The following ARMC8 variants were observed in gnomAD, a reference collection of about 807,000 sequenced individuals.
The protein encoded by ARMC8 is armadillo repeat-containing protein 8.
In ARMC8, 20 loss-of-function variants were observed where a neutral mutation model predicts 99.3. That is an observed-to-expected ratio of 0.20 (90% CI 0.14 to 0.29). The LOEUF is 0.29. ARMC8 is among the 10% of genes least tolerant of loss of function. The probability of loss-of-function intolerance (pLI) is 1.00; values close to 1 mark genes in which losing one functional copy is unlikely to be tolerated. For missense variants in ARMC8, 569 were observed against 809.5 expected, an observed-to-expected ratio of 0.70 and a Z score of 3.60; for synonymous variants, 263 against 278.3, an observed-to-expected ratio of 0.95 and a Z score of 0.55.
At chr3:138,295,724 C>A in intron 21 of ARMC8, 135 bp from the exon 22 acceptor site, 1 of 835,988 alleles carries the variant, frequency 1.2e-6, no homozygotes, top group Non-Finnish European at 1.9e-6. Context: ...AAGGTAGGTG[C>A]CCACCTGGGC....
intron 6 of ARMC8, among the ~76,000 whole-genome samples, chr3:138,234,624 ACT>A (rs2046238163): frequency 6.6e-6 from 1 of 152,254 alleles, no homozygotes. Context: ...TGTAACAATG[ACT>A]CTGCCACTGT....
chr3:138,284,601 C>A, intron 19 of ARMC8, 75 bp downstream of exon 19: 2 of 1,108,236 alleles, frequency 1.8e-6, no homozygotes, highest in Non-Finnish European at 2.7e-6. Flanking sequence ...ATAAATTGTG[C>A]AGAGATTTTA....
chr3:138,295,791 G>T, intron 21 of ARMC8, 68 bp from the exon 22 acceptor site: 1 of 1,561,576 alleles, frequency 6.4e-7, no homozygotes, highest in South Asian at 1.1e-5. Flanking sequence ...TATCATCATT[G>T]AACCATAGGG....
At chr3:138,281,354 G>A (rs1474052037) in intron 18 of ARMC8, among the ~76,000 whole-genome samples, 2 of 151,020 alleles carry the variant, frequency 1.3e-5, no homozygotes, top group South Asian at 2.1e-4. Context: ...GTGCAGTGAC[G>A]CGATATCGGC....
intron 12 of ARMC8, among the ~76,000 whole-genome samples, chr3:138,250,170 TCTATC>T (rs1454132234): frequency 1.3e-5 from 2 of 152,170 alleles, no homozygotes; most frequent in Non-Finnish European, 2.9e-5. Flanking sequence ...GAATTTGTCT[TCTATC>T]CTCTTTTTCC....
At chr3:138,252,823 C>T (rs2047208140) in intron 12 of ARMC8, among the ~76,000 whole-genome samples, 1 of 145,780 alleles carries the variant, frequency 6.9e-6, no homozygotes, top group African/African-American at 2.6e-5. Context: ...TTCGCATATG[C>T]CTGTGTGTAC....
intron 5 of ARMC8, among the ~76,000 whole-genome samples, chr3:138,228,045 C>T (rs1559955263): frequency 6.6e-6 from 1 of 152,174 alleles, no homozygotes; most frequent in African/African-American, 2.4e-5. Context: ...AGTGCAGTGG[C>T]GTAATCTCAC....
At chr3:138,273,769 T>C (rs998049052) in intron 17 of ARMC8, among the ~76,000 whole-genome samples, 3 of 152,120 alleles carry the variant, frequency 2.0e-5, no homozygotes, top group Non-Finnish European at 1.5e-5. Flanking sequence ...ACACTGTGTT[T>C]TCCATGTCTC....
rs537806877 is a variant in ARMC8 at position 138,263,565 on chromosome 3, C to G, written c.1135-174C>G. 7.8e-5 allele frequency: 50 copies of G among 643,444 alleles called. No homozygotes were observed. The South Asian group carries it at 8.9e-4, about 11-fold the overall frequency. 39.9% of individuals were successfully genotyped at this position (643,444 alleles called of 1,614,324 possible). On this transcript the variant is annotated intron_variant, in intron 12 of 21. Coordinates refer to ENST00000469044, the MANE Select transcript of ARMC8 (RefSeq NM_001363941.2). ...CCTGGCAGGTCCTTAGTGGGCTAGA[C>G]CTACCTTTCTGATGAGCTGCCCGCC... is the stretch of plus-strand genomic sequence containing the variant.
chr3:138,207,409 A>G (rs1310072612), intron 1 of ARMC8, among the ~76,000 whole-genome samples: 3 of 152,214 alleles, frequency 2.0e-5, no homozygotes, highest in African/African-American at 4.8e-5. Flanking sequence ...TCCTCAGTGC[A>G]TGTTATATTG....
chr3:138,207,815 G>A (rs1028137592), intron 1 of ARMC8, among the ~76,000 whole-genome samples: 1 of 152,198 alleles, frequency 6.6e-6, no homozygotes, highest in African/African-American at 2.4e-5. Context: ...GCAGATTATT[G>A]TTGAGAGTCC....
At chr3:138,288,841 T>TTAA (rs2050676926) in intron 19 of ARMC8, among the ~76,000 whole-genome samples, 1 of 152,184 alleles carries the variant, frequency 6.6e-6, no homozygotes, top group South Asian at 2.1e-4. Flanking sequence ...TTTCACTGTG[T>TTAA]TAATCATCCT....
At chr3:138,292,856 T>C (rs866413372) in intron 21 of ARMC8, among the ~76,000 whole-genome samples, 1 of 151,876 alleles carries the variant, frequency 6.6e-6, no homozygotes, top group African/African-American at 2.4e-5. Flanking sequence ...ATTTAGGCAG[T>C]GATGAGAAAG....
At chr3:138,231,699 C>T (rs1013269521) in intron 6 of ARMC8, among the ~76,000 whole-genome samples, 4 of 151,604 alleles carry the variant, frequency 2.6e-5, no homozygotes, top group Admixed American at 6.6e-5. Context: ...ATCCCTTGAG[C>T]GAGAGGATCC....
chr3:138,222,145 C>G (rs776762894), intron 3 of ARMC8, 148 bp downstream of exon 3: 130 of 632,706 alleles, frequency 2.1e-4, no homozygotes, highest in Non-Finnish European at 3.2e-4. Context: ...AGTATTTAAA[C>G]TATCTTTAAG....
At position 138,237,464 on chromosome 3, in the gene ARMC8, T is replaced by C. The variant is rs759430497; in HGVS notation, c.686-18T>C. 1.2e-6 allele frequency: 2 copies of C among 1,612,314 alleles called. No homozygotes were observed. Among genetic ancestry groups the C allele is most frequent in the Non-Finnish European group, 1.7e-6 (2 of 1,178,792 alleles). Reference sequence around the variant, plus strand: ...TTTAAAGAATTTCCTTAATCATTGTTGTTTGTTTTATTTCTAGTTTTGGTT... The same window carrying C: ...TTTAAAGAATTTCCTTAATCATTGTCGTTTGTTTTATTTCTAGTTTTGGTT... On this transcript the variant is annotated intron_variant, in intron 8 of 21. Transcript: ENST00000469044.
intron 1 of ARMC8, among the ~76,000 whole-genome samples, chr3:138,206,581 C>T (rs763485686): frequency 3.1e-4 from 47 of 152,304 alleles, no homozygotes; most frequent in Non-Finnish European, 4.6e-4. Flanking sequence ...TTTAGGACTT[C>T]GCTCAAATGT....
intron 19 of ARMC8, among the ~76,000 whole-genome samples, chr3:138,287,106 C>T (rs2050506376): frequency 6.6e-6 from 1 of 152,230 alleles, no homozygotes; most frequent in Admixed American, 6.5e-5. Context: ...CACTTCCTCA[C>T]TGTCACTCCA....
chr3:138,270,938 A>G (rs182723413), intron 16 of ARMC8, among the ~76,000 whole-genome samples: 1 of 152,288 alleles, frequency 6.6e-6, no homozygotes, highest in Admixed American at 6.5e-5. Context: ...TGGGCGTTTT[A>G]TATTTATCCC....
Sources: gnomAD v4.1 joint callset for allele counts (sites outside exome capture counted in the v4.1 genomes callset) on GRCh38, gnomAD v4.1.1 for gene constraint, MANE v1.5 for transcripts, NCBI Gene and HGNC (gene_info 2026-07-23, HGNC 2026-07-21) for gene names.